Variants in DDX10 observed in about 807,000 individuals in gnomAD.
DDX10 encodes the protein probable ATP-dependent RNA helicase DDX10.
In DDX10, 74 loss-of-function variants were observed where a neutral mutation model predicts 104.3. That is an observed-to-expected ratio of 0.71 (90% confidence interval 0.59 to 0.86). The LOEUF (loss-of-function observed/expected upper bound fraction) is 0.86. DDX10 is among the 40% of genes least tolerant of loss of function. The pLI is 0.00. For synonymous variants in DDX10, 351 were observed against 353.4 expected, an observed-to-expected ratio of 0.99 and a Z score of 0.08; for missense variants, 952 against 1,040.0, an observed-to-expected ratio of 0.92 and a Z score of 1.16.
intron 13 of DDX10, among the ~76,000 whole-genome samples, chr11:108,802,727 C>A (rs1004598340): frequency 6.6e-6 from 1 of 152,068 alleles, no homozygotes; most frequent in Non-Finnish European, 1.5e-5. Flanking sequence ...TTATTTTTTT[C>A]TGTGTGCTTT....
chr11:108,728,504 C>T (rs1000108509), intron 13 of DDX10, among the ~76,000 whole-genome samples: 90 of 121,790 alleles, frequency 7.4e-4, no homozygotes, highest in African/African-American at 3.2e-3. Flanking sequence ...CACATTTGTT[C>T]TTTTTTTTTT....
intron 16 of DDX10, among the ~76,000 whole-genome samples, chr11:108,863,540 C>T (rs1307306697): frequency 6.6e-6 from 1 of 152,162 alleles, no homozygotes; most frequent in Non-Finnish European, 1.5e-5. Context: ...TATATATTCT[C>T]AAGCTCATCC....
rs529292603 is a variant in DDX10 at position 108,706,218 on chromosome 11, C to T, written c.1224-521C>T. Among the ~76,000 whole-genome samples, 71 of 152,188 alleles carry T rather than the reference C, an allele frequency of 4.7e-4. 1 individual carries two copies. Among genetic ancestry groups the T allele is most frequent in the African/African-American group, 1.5e-3 (62 of 41,542 alleles). Reference sequence around the variant, plus strand: ...AACTCCTGACCTCGGGTTATTCACCCGCCTCGGCCTCCCAAAGTGCTGGAA... The same window carrying T: ...AACTCCTGACCTCGGGTTATTCACCTGCCTCGGCCTCCCAAAGTGCTGGAA... On this transcript the variant is annotated intron_variant, in intron 9 of 17. Coordinates refer to ENST00000322536, the MANE Select transcript of DDX10 (RefSeq NM_004398.4).
intron 16 of DDX10, among the ~76,000 whole-genome samples, chr11:108,889,716 A>G (rs1283189973): frequency 1.3e-5 from 2 of 152,186 alleles, no homozygotes; most frequent in African/African-American, 4.8e-5. Flanking sequence ...TATGGTTGCT[A>G]TGAGACAAGT....
chr11:108,914,959 C>G (rs1368825039), intron 16 of DDX10, among the ~76,000 whole-genome samples: 1 of 150,990 alleles, frequency 6.6e-6, no homozygotes, highest in Non-Finnish European at 1.5e-5. Context: ...ACCTGAACAC[C>G]CAGTAGAAAT....
chr11:108,798,530 A>G (rs1368921121), intron 13 of DDX10, among the ~76,000 whole-genome samples: 2 of 152,216 alleles, frequency 1.3e-5, no homozygotes, highest in African/African-American at 4.8e-5. Flanking sequence ...GATACCACAT[A>G]TAAAATGGAA....
In DDX10 at chr11:108,689,046, T is replaced by C. The variant is rs758334785; in HGVS notation, c.959T>C (p.Phe320Ser). The stretch of plus-strand genomic sequence containing the variant: ...CTGAAGAAGAAGAGCATTGTATTTT[T>C]TTCCAGTTGCAAAGAGGTATTGGCT... ...SHLKKKSIVF[F>S]SSCKEVQYLY... Residue 320 changes from phenylalanine (F) to serine (S), a missense_variant, in exon 7 of 18, where the codon TTT becomes TCT. Physicochemically the swap from Phe to Ser is radical, Grantham distance 155. Transcript: ENST00000322536. 8.1e-6 allele frequency: 13 copies of C among 1,614,006 alleles called. No individual in the cohort carries two copies. Among genetic ancestry groups the C allele is most frequent in the African/African-American group, 1.3e-5 (1 of 74,946 alleles).
chr11:108,934,155 G>C (rs962881134), intron 17 of DDX10, among the ~76,000 whole-genome samples: 1 of 152,176 alleles, frequency 6.6e-6, no homozygotes. Flanking sequence ...AGGTGAAGGA[G>C]GGCAAGGAGT....
chr11:108,684,421 A>G (rs1306528642), intron 6 of DDX10, among the ~76,000 whole-genome samples: 8 of 134,172 alleles, frequency 6.0e-5, no homozygotes, highest in Admixed American at 1.6e-4. Context: ...TCATTGTTCA[A>G]TTCCCACCTA....
At chr11:108,920,676 C>A (rs1430806851) in intron 17 of DDX10, 3 of 152,100 alleles carry the variant, frequency 2.0e-5, no homozygotes, top group Non-Finnish European at 4.4e-5. Context: ...ATAGAATTAC[C>A]CTGGTGTTGA....
intron 16 of DDX10, among the ~76,000 whole-genome samples, chr11:108,862,141 C>T (rs552249565): frequency 1.2e-4 from 18 of 152,132 alleles, no homozygotes; most frequent in Non-Finnish European, 4.4e-5. Flanking sequence ...GCCTTAGCCT[C>T]CTGAGTAGCG....
At chr11:108,749,673 AG>A (rs1346276309) in intron 13 of DDX10, among the ~76,000 whole-genome samples, 3 of 152,186 alleles carry the variant, frequency 2.0e-5, no homozygotes, top group African/African-American at 7.2e-5. Context: ...TTGTCAATGA[AG>A]TTGAGTAATT....
chr11:108,723,506 C>T (rs767004641), intron 13 of DDX10, 44 bp downstream of exon 13: 1 of 1,540,734 alleles, frequency 6.5e-7, no homozygotes, highest in East Asian at 2.3e-5. Flanking sequence ...CATTGTCTTA[C>T]TATGTGCTTA....
chr11:108,825,517 C>G (rs991093702), intron 13 of DDX10, among the ~76,000 whole-genome samples: 3 of 152,110 alleles, frequency 2.0e-5, no homozygotes, highest in African/African-American at 4.8e-5. Flanking sequence ...TATGGTCCTC[C>G]TTAACCAGAA....
At chr11:108,895,387 T>G (rs1275979691) in intron 16 of DDX10, among the ~76,000 whole-genome samples, 1 of 151,966 alleles carries the variant, frequency 6.6e-6, no homozygotes, top group Non-Finnish European at 1.5e-5. Context: ...TCTTATTAAG[T>G]GATCTTTTCC....
rs555205311 is a variant in DDX10, at chr11:108,821,346, T to C, written c.1966-17100T>C. On this transcript the variant is annotated intron_variant, in intron 13 of 17. Coordinates refer to ENST00000322536, the MANE Select transcript of DDX10 (RefSeq NM_004398.4). ...GGAGAATGATTTTTAAAAAGTTGAT[T>C]ATGTAGCATGGAGTTTGGGGACTAG... 7.2e-5 allele frequency among the ~76,000 whole-genome samples: 11 copies of C among 152,340 alleles called. No homozygotes were observed. In the South Asian group the frequency reaches 2.3e-3, roughly 32 times the overall value.
At chr11:108,844,569 C>G (rs117880115) in intron 15 of DDX10, among the ~76,000 whole-genome samples, 2,926 of 152,264 alleles carry the variant, frequency 0.019, 38 homozygotes, top group South Asian at 0.032. Flanking sequence ...GAAAGTGAAG[C>G]AGTGATGTTT....
chr11:108,792,574 G>T (rs1373741541), intron 13 of DDX10, among the ~76,000 whole-genome samples: 1 of 152,060 alleles, frequency 6.6e-6, no homozygotes, highest in Non-Finnish European at 1.5e-5. Context: ...ATATTCATAT[G>T]AATACATTTC....
At chr11:108,749,896 G>T (rs1016471002) in intron 13 of DDX10, among the ~76,000 whole-genome samples, 5 of 151,946 alleles carry the variant, frequency 3.3e-5, no homozygotes, top group Non-Finnish European at 7.4e-5. Context: ...TAATTTTTTG[G>T]CACTTCTAGT....
Sources: gnomAD v4.1 joint callset for allele counts (sites outside exome capture counted in the v4.1 genomes callset) on GRCh38, gnomAD v4.1.1 for gene constraint, MANE v1.5 for transcripts, NCBI Gene and HGNC (gene_info 2026-07-23, HGNC 2026-07-21) for gene names.